NXPH1: variants seen among roughly 807,000 people sequenced by gnomAD.
The protein encoded by NXPH1 is neurexophilin-1.
In NXPH1, 5 loss-of-function variants were observed where a neutral mutation model predicts 23.7. The ratio of observed to expected loss-of-function variants is 0.21; its 90% CI spans 0.11 to 0.44. The LOEUF is 0.44. Among genes scored for constraint, NXPH1 ranks in the 20% least tolerant of loss-of-function variants. The pLI is 0.99. For missense variants in NXPH1, 324 were observed against 321.6 expected (o/e 1.01, Z -0.06); for synonymous variants, 144 against 122.2 (o/e 1.18, Z -1.18).
intron 2 of NXPH1, among the ~76,000 whole-genome samples, chr7:8,601,516 TCC>T (rs1334545966): frequency 6.6e-6 from 1 of 152,210 alleles, no homozygotes; most frequent in Non-Finnish European, 1.5e-5. Flanking sequence ...TTCACCATTT[TCC>T]TTTTCTTCCT....
At chr7:8,662,815 G>A (rs559560122) in intron 2 of NXPH1, among the ~76,000 whole-genome samples, 1 of 152,138 alleles carries the variant, frequency 6.6e-6, no homozygotes, top group African/African-American at 2.4e-5. Context: ...TATTTGTGCA[G>A]CTACTAGTGT....
chr7:8,743,179 A>G (rs868484476), intron 2 of NXPH1, among the ~76,000 whole-genome samples: 19 of 152,048 alleles, frequency 1.2e-4, no homozygotes, highest in Middle Eastern at 3.4e-3. Context: ...TGCTTGAGCA[A>G]TAGTTTTTTT....
intron 2 of NXPH1, among the ~76,000 whole-genome samples, chr7:8,739,460 C>T (rs887058990): frequency 6.6e-6 from 1 of 152,096 alleles, no homozygotes; most frequent in Non-Finnish European, 1.5e-5. Context: ...CTTCTGATTG[C>T]CTTCCATGGG....
At chr7:8,547,555 A>G (rs185372193) in intron 2 of NXPH1, among the ~76,000 whole-genome samples, 2 of 151,494 alleles carry the variant, frequency 1.3e-5, no homozygotes, top group East Asian at 2.0e-4. Flanking sequence ...TATATTGCAT[A>G]CCGAAGGGGA....
At chr7:8,527,173 G>T (rs1335497207) in intron 2 of NXPH1, among the ~76,000 whole-genome samples, 1 of 152,182 alleles carries the variant, frequency 6.6e-6, no homozygotes, top group Non-Finnish European at 1.5e-5. Flanking sequence ...GTAGGAGAAG[G>T]CAAGGCCATT....
At chr7:8,642,005 C>G (rs752503770) in intron 2 of NXPH1, among the ~76,000 whole-genome samples, 4 of 152,184 alleles carry the variant, frequency 2.6e-5, no homozygotes, top group Non-Finnish European at 4.4e-5. Context: ...CTTCCTATTC[C>G]ATTCTGCTCT....
At chr7:8,487,784 G>A (rs1817183163) in intron 2 of NXPH1, among the ~76,000 whole-genome samples, 1 of 152,104 alleles carries the variant, frequency 6.6e-6, no homozygotes, top group African/African-American at 2.4e-5. Flanking sequence ...TGAGACCGTG[G>A]GACATGAGAC....
chr7:8,638,417 G>A lies in NXPH1; in HGVS notation c.55-112591G>A, dbSNP rs541939621. ...GGTGCCAGGAAACCTCTTGAAGTTT[G>A]CATATTACCACAGCTAGTGCTATTC... On this transcript the variant is annotated intron_variant, in intron 2 of 2. Transcript: ENST00000405863. Among the ~76,000 whole-genome samples the A allele has an allele frequency of 2.1e-4, 32 of 152,272 alleles. No individual in the cohort carries two copies. In the South Asian group the frequency reaches 6.0e-3, roughly 29 times the overall value.
At chr7:8,632,565 T>C (rs1269907223) in intron 2 of NXPH1, among the ~76,000 whole-genome samples, 1 of 152,198 alleles carries the variant, frequency 6.6e-6, no homozygotes, top group Admixed American at 6.6e-5. Context: ...ATTTCCCAAA[T>C]GCAGCAACTG....
intron 2 of NXPH1, among the ~76,000 whole-genome samples, chr7:8,608,822 A>T (rs745449910): frequency 7.9e-4 from 120 of 152,166 alleles, no homozygotes; most frequent in Non-Finnish European, 1.6e-3. Context: ...TTATATAAAA[A>T]TCCAAAGAGT....
chr7:8,628,598 AAG>A (rs1482196605), intron 2 of NXPH1, among the ~76,000 whole-genome samples: 1 of 152,018 alleles, frequency 6.6e-6, no homozygotes, highest in Non-Finnish European at 1.5e-5. Context: ...ATAAAAAAAA[AAG>A]AACTGGGGGG....
At chr7:8,692,678 A>G (rs1315746907) in intron 2 of NXPH1, among the ~76,000 whole-genome samples, 3 of 152,304 alleles carry the variant, frequency 2.0e-5, no homozygotes, top group East Asian at 1.9e-4. Flanking sequence ...CAACCTGTCC[A>G]TATTGACTGG....
chr7:8,596,924 TGCAGGAA>T (rs1380860582), intron 2 of NXPH1, among the ~76,000 whole-genome samples: 1 of 152,122 alleles, frequency 6.6e-6, no homozygotes, highest in Non-Finnish European at 1.5e-5. Context: ...ATATGCAACG[TGCAGGAA>T]TCCTATAGAA....
chr7:8,641,008 G>A (rs1161337544), intron 2 of NXPH1, among the ~76,000 whole-genome samples: 1 of 152,086 alleles, frequency 6.6e-6, no homozygotes, highest in Non-Finnish European at 1.5e-5. Context: ...ATATTAGGCT[G>A]AAGTTTCAAT....
chr7:8,491,489 A>G (rs1440999878), intron 2 of NXPH1, among the ~76,000 whole-genome samples: 1 of 152,078 alleles, frequency 6.6e-6, no homozygotes. Context: ...TTAGTGACAT[A>G]TTGATAATCC....
At chr7:8,503,012 A>G (rs1349763207) in intron 2 of NXPH1, among the ~76,000 whole-genome samples, 2 of 151,992 alleles carry the variant, frequency 1.3e-5, no homozygotes, top group Non-Finnish European at 2.9e-5. Context: ...TGTTGAGTGC[A>G]GTGTCTTGGA....
At chr7:8,558,995 C>G (rs1818401492) in intron 2 of NXPH1, among the ~76,000 whole-genome samples, 1 of 151,764 alleles carries the variant, frequency 6.6e-6, no homozygotes, top group Admixed American at 6.6e-5. Flanking sequence ...GAGACAGAGT[C>G]TTGCTCTGTT....
At chr7:8,575,155 T>C (rs1446132267) in intron 2 of NXPH1, among the ~76,000 whole-genome samples, 1 of 152,208 alleles carries the variant, frequency 6.6e-6, no homozygotes, top group African/African-American at 2.4e-5. Context: ...TTGCTCAGAA[T>C]GAATTTTTGC....
chr7:8,448,889 AAGTCATCAAT>A (rs879803191), intron 2 of NXPH1, among the ~76,000 whole-genome samples: 1 of 152,010 alleles, frequency 6.6e-6, no homozygotes, highest in Non-Finnish European at 1.5e-5. Context: ...ATGAAGAGAC[AAGTCATCAAT>A]AGGATCAATA....
Sources: gnomAD v4.1 joint callset for allele counts (sites outside exome capture counted in the v4.1 genomes callset) on GRCh38, gnomAD v4.1.1 for gene constraint, MANE v1.5 for transcripts, NCBI Gene and HGNC (gene_info 2026-07-23, HGNC 2026-07-21) for gene names.